The following PPP6R3 variants were observed in gnomAD, a reference collection of about 807,000 sequenced individuals.
The protein encoded by PPP6R3 is protein phosphatase 6 regulatory subunit 3, also known as serine/threonine-protein phosphatase 6 regulatory subunit 3.
Under a neutral mutation model 110.7 loss-of-function variants are expected in PPP6R3, and 38 were observed. That is an observed-to-expected ratio of 0.34 (90% CI 0.26 to 0.45). PPP6R3 has a LOEUF of 0.45. Among genes scored for constraint, PPP6R3 ranks in the 20% least tolerant of loss-of-function variants. The pLI is 1.00. For missense variants in PPP6R3, 870 were observed against 1,062.4 expected (o/e 0.82, Z 2.52); for synonymous variants, 369 against 373.5 (o/e 0.99, Z 0.14).
At chr11:68,534,824 A>G (rs1157997817) in intron 2 of PPP6R3, among the ~76,000 whole-genome samples, 2 of 152,224 alleles carry the variant, frequency 1.3e-5, no homozygotes, top group Non-Finnish European at 2.9e-5. Context: ...TTATTCCACC[A>G]GAAGCATGGT....
intron 1 of PPP6R3, among the ~76,000 whole-genome samples, chr11:68,502,086 A>G (rs1475706711): frequency 6.6e-6 from 1 of 152,250 alleles, no homozygotes; most frequent in Non-Finnish European, 1.5e-5. Context: ...GATGATGGAC[A>G]TGGTGCTGGT....
At chr11:68,594,331 AGAGT>A (rs71043442) in intron 18 of PPP6R3, among the ~76,000 whole-genome samples, 7,981 of 132,664 alleles carry the variant, frequency 0.06, 163 homozygotes, top group Middle Eastern at 0.085. Flanking sequence ...AAAGAGAGAG[AGAGT>A]GAGAGAGAGA....
chr11:68,566,856 G>T, intron 9 of PPP6R3, 158 bp from the exon 10 acceptor site: 1 of 489,208 alleles, frequency 2.0e-6, no homozygotes, highest in Non-Finnish European at 3.4e-6. Flanking sequence ...TTATTTCATT[G>T]TATCTTAAAG....
chr11:68,612,267 G>A (rs1053821117), intron 23 of PPP6R3, among the ~76,000 whole-genome samples: 1 of 152,216 alleles, frequency 6.6e-6, no homozygotes, highest in Non-Finnish European at 1.5e-5. Context: ...GATTGTGTGT[G>A]CAGAGCTGAC....
intron 6 of PPP6R3, among the ~76,000 whole-genome samples, chr11:68,551,861 A>T (rs1326866638): frequency 6.6e-6 from 1 of 152,206 alleles, no homozygotes; most frequent in Non-Finnish European, 1.5e-5. Context: ...GTCTGTTTAC[A>T]GCTTTGCAGG....
At chr11:68,463,826 C>A (rs2098725935) in intron 1 of PPP6R3, among the ~76,000 whole-genome samples, 2 of 152,134 alleles carry the variant, frequency 1.3e-5, no homozygotes, top group African/African-American at 4.8e-5. Flanking sequence ...CCCCCCTCAC[C>A]CCCCAGGAAA....
intron 1 of PPP6R3, among the ~76,000 whole-genome samples, chr11:68,502,978 C>T (rs866048553): frequency 2.6e-4 from 39 of 152,112 alleles, no homozygotes; most frequent in Non-Finnish European, 5.0e-4. Flanking sequence ...GAGTCTCACT[C>T]TGTTGCCCAG....
intron 15 of PPP6R3, among the ~76,000 whole-genome samples, chr11:68,583,959 T>C (rs2099570356): frequency 6.6e-6 from 1 of 152,236 alleles, no homozygotes; most frequent in Admixed American, 6.5e-5. Context: ...TAGATGAAGC[T>C]TCACATGCTT....
At position 68,492,205 on chromosome 11, in the gene PPP6R3, G is replaced by A. The variant is rs2098988421; in HGVS notation, c.-157-27296G>A. Among the ~76,000 whole-genome samples, 4 of 152,090 alleles carry A rather than the reference G, an allele frequency of 2.6e-5. No homozygotes were observed. The South Asian group carries it at 8.3e-4, about 32-fold the overall frequency. ...AGAGGCAGAGTCTTGCTCTGTTGCT[G>A]GACTACAGTGGCATGATCATAGCTC... On this transcript the variant is annotated intron_variant, in intron 1 of 23. Transcript: ENST00000393800.
At chr11:68,504,697 T>A (rs1453776675) in intron 1 of PPP6R3, among the ~76,000 whole-genome samples, 4 of 152,184 alleles carry the variant, frequency 2.6e-5, no homozygotes, top group Non-Finnish European at 5.9e-5. Context: ...ACTATAGCTG[T>A]CTAGTGTAGG....
At chr11:68,530,190 T>TCCA (rs2099229485) in intron 2 of PPP6R3, among the ~76,000 whole-genome samples, 1 of 152,230 alleles carries the variant, frequency 6.6e-6, no homozygotes, top group African/African-American at 2.4e-5. Context: ...TTATTTCTGT[T>TCCA]AGACGGGTCT....
At chr11:68,542,821 C>T (rs1289086035) in intron 3 of PPP6R3, among the ~76,000 whole-genome samples, 3 of 152,158 alleles carry the variant, frequency 2.0e-5, no homozygotes, top group Non-Finnish European at 4.4e-5. Context: ...GTCATACCAC[C>T]CAGTCACCTA....
chr11:68,478,826 T>C (rs1359200630), intron 1 of PPP6R3, among the ~76,000 whole-genome samples: 1 of 151,430 alleles, frequency 6.6e-6, no homozygotes, highest in Non-Finnish European at 1.5e-5. Flanking sequence ...CCCAGTTAAG[T>C]TTTATGTCTT....
intron 3 of PPP6R3, among the ~76,000 whole-genome samples, chr11:68,539,551 C>T (rs1451513964): frequency 6.6e-6 from 1 of 152,316 alleles, no homozygotes; most frequent in South Asian, 2.1e-4. Context: ...CTCTGCCATG[C>T]TTCTGCCCTG....
chr11:68,505,358 A>G (rs1055388534), intron 1 of PPP6R3: 5 of 152,332 alleles, frequency 3.3e-5, no homozygotes, highest in Non-Finnish European at 4.4e-5. Flanking sequence ...CGTGGACACA[A>G]TCGAGTTGAA....
intron 8 of PPP6R3, among the ~76,000 whole-genome samples, chr11:68,559,673 T>C (rs889536824): frequency 6.6e-6 from 1 of 152,224 alleles, no homozygotes; most frequent in African/African-American, 2.4e-5. Context: ...ATGGCACTGC[T>C]TCAAGTATGT....
chr11:68,553,226 A>G lies in PPP6R3; in HGVS notation c.619-919A>G, dbSNP rs183266551. On this transcript the variant is annotated intron_variant, in intron 6 of 23. Coordinates refer to ENST00000393800, the MANE Select transcript of PPP6R3 (RefSeq NM_001164161.2). ...ATTTTAGAGCTTTTCTGTAAGGTCA[A>G]TACACTGAGAGAAGGCTTAATATTT... Among the ~76,000 whole-genome samples the G allele has an allele frequency of 1.5e-3, 231 of 152,214 alleles. 7 individuals are homozygous for G. The highest frequency in any genetic ancestry group is 0.014 in the Admixed American group (207 of 15,298).
intron 12 of PPP6R3, among the ~76,000 whole-genome samples, chr11:68,573,457 G>A (rs1025229836): frequency 5.3e-5 from 8 of 151,876 alleles, no homozygotes; most frequent in African/African-American, 1.9e-4. Context: ...GGCCTGATAC[G>A]AATTAAGTGT....
chr11:68,571,054 T>C lies in PPP6R3; in HGVS notation c.1293T>C (p.Cys431=). The change falls in exon 12 of 24, where the codon TGT becomes TGC. Residue 431 remains cysteine, a synonymous_variant. Coordinates refer to ENST00000393800, the MANE Select transcript of PPP6R3 (RefSeq NM_001164161.2). ...TTTTTTTTCAGCTTTTCCAAAAATGTCAATTAATAGAACGAATACTTGAAG... is the reference window on the plus strand; with the variant it reads ...TTTTTTTTCAGCTTTTCCAAAAATGCCAATTAATAGAACGAATACTTGAAG... ...NLLLKHLFQK[C]QLIERILEAW... is the part of the protein sequence containing the mutation. The C allele has an allele frequency of 6.3e-7, 1 of 1,593,322 alleles. No individual in the cohort carries two copies. Among genetic ancestry groups the C allele is most frequent in the Non-Finnish European group, 8.5e-7 (1 of 1,174,288 alleles).
Sources: gnomAD v4.1 joint callset for allele counts (sites outside exome capture counted in the v4.1 genomes callset) on GRCh38, gnomAD v4.1.1 for gene constraint, MANE v1.5 for transcripts, NCBI Gene and HGNC (gene_info 2026-07-23, HGNC 2026-07-21) for gene names.